The following CDKL1 variants were observed in gnomAD, a reference collection of about 807,000 sequenced individuals.
CDKL1 encodes the protein cyclin dependent kinase like 1, also known as cyclin-dependent kinase-like 1.
Under a neutral mutation model 42.0 loss-of-function variants are expected in CDKL1, and 41 were observed. The ratio of observed to expected loss-of-function variants is 0.98; its 90% confidence interval spans 0.76 to 1.27. The LOEUF (loss-of-function observed/expected upper bound fraction) is 1.27, where lower values mean the gene tolerates loss of function less well. Among genes scored for constraint, CDKL1 ranks in the 50% most tolerant of loss-of-function variants. CDKL1 has a pLI of 0.00. For missense variants in CDKL1, 394 were observed against 428.4 expected (o/e 0.92, Z 0.71); for synonymous variants, 153 against 158.6 (o/e 0.96, Z 0.26).
chr14:50,355,701 A>C (rs2034034505), intron 3 of CDKL1, among the ~76,000 whole-genome samples: 1 of 152,246 alleles, frequency 6.6e-6, no homozygotes, highest in African/African-American at 2.4e-5. Context: ...ATATGTAAAT[A>C]AACAATCCCA....
At chr14:50,359,797 T>TGAAAA (rs368034175) in intron 2 of CDKL1, among the ~76,000 whole-genome samples, 2 of 120,894 alleles carry the variant, frequency 1.7e-5, no homozygotes, top group African/African-American at 6.3e-5. Context: ...GTGTCTAGAT[T>TGAAAA]AAAAAAAAAA....
intron 2 of CDKL1, chr14:50,390,129 C>G (rs2035211789): frequency 7.3e-7 from 1 of 1,364,288 alleles, no homozygotes; most frequent in African/African-American, 1.5e-5. Flanking sequence ...TTGCCCCTAC[C>G]TGCCACATAG....
Position 50,329,062 on chromosome 14 carries a change from T to TATATAC in CDKL1, c.*1011_*1012insGTATAT, listed in dbSNP as rs1392069305. On this transcript the variant is annotated 3_prime_UTR_variant, in exon 10 of 10. Transcript: ENST00000395834. Reference sequence around the variant, plus strand: ...ATATATATATATATATATATATATATACATACACATACATACACATACAAA... The same window carrying TATATAC: ...ATATATATATATATATATATATATATATATACACATACACATACATACACATACAAA... 1.4e-5 allele frequency: 2 copies of TATATAC among 143,980 alleles called. No individual in the cohort carries two copies. Among genetic ancestry groups the TATATAC allele is most frequent in the African/African-American group, 5.2e-5 (2 of 38,112 alleles). 8.9% of individuals were successfully genotyped at this position (143,980 alleles called of 1,614,324 possible).
chr14:50,363,127 A>T (rs1443707849), intron 2 of CDKL1: 1 of 255,916 alleles, frequency 3.9e-6, no homozygotes, highest in Non-Finnish European at 8.7e-6. Flanking sequence ...AGCCAGGGAG[A>T]CCACAAACCC....
chr14:50,383,072 C>T (rs528861321), intron 2 of CDKL1, among the ~76,000 whole-genome samples: 2 of 152,132 alleles, frequency 1.3e-5, no homozygotes, highest in Admixed American at 6.5e-5. Context: ...GGACTACAGG[C>T]GTGTGCCACC....
At chr14:50,392,788 T>C (rs939769660) in intron 2 of CDKL1, among the ~76,000 whole-genome samples, 1 of 152,150 alleles carries the variant, frequency 6.6e-6, no homozygotes, top group African/African-American at 2.4e-5. Flanking sequence ...ACTTAACCTG[T>C]CCAAAACAGA....
rs139490581 is a variant in CDKL1, at chr14:50,368,376, C to T, written c.169-9227G>A. Reference sequence around the variant, plus strand: ...GCTCAAGTGATCCTCTTCCCTCAGCCTCCTCAGTAGCTGGGACTACAGGTG... The same window carrying T: ...GCTCAAGTGATCCTCTTCCCTCAGCTTCCTCAGTAGCTGGGACTACAGGTG... On this transcript the variant is annotated intron_variant, in intron 2 of 9. Transcript: ENST00000395834. 1.1e-4 allele frequency among the ~76,000 whole-genome samples: 17 copies of T among 152,266 alleles called. No individual in the cohort carries two copies. The East Asian group carries it at 2.9e-3, about 26-fold the overall frequency.
intron 2 of CDKL1, chr14:50,362,439 A>C (rs1472817846): frequency 4.5e-6 from 1 of 222,102 alleles, no homozygotes; most frequent in Non-Finnish European, 9.2e-6. Context: ...TATCTTGTTC[A>C]AGGTTTGTAA....
intron 2 of CDKL1, among the ~76,000 whole-genome samples, chr14:50,385,070 CAAAAAAAAAAA>C (rs55719234): frequency 5.3e-5 from 5 of 93,566 alleles, no homozygotes; most frequent in African/African-American, 1.3e-4. Context: ...GACTCTGTCT[CAAAAAAAAAAA>C]AAAAAAAAAA....
intron 2 of CDKL1, chr14:50,379,960 G>A: frequency 2.7e-6 from 1 of 375,254 alleles, no homozygotes; most frequent in Non-Finnish European, 5.4e-6. Context: ...TGATATGTGG[G>A]GACCCCAAAT....
At position 50,396,210 on chromosome 14, in the gene CDKL1, A is replaced by AAAAAAAAAAAAAAAAAAAAAG. The variant is rs1566617659; in HGVS notation, c.-343_-342insCTTTTTTTTTTTTTTTTTTTT. ...CAAAAAAAAAAAAAAAAAAAAAAAA[A>AAAAAAAAAAAAAAAAAAAAAG]AAAGAAAGAAAGAAAAGAAAAGAAA... On this transcript the variant is annotated 5_prime_UTR_variant, in exon 2 of 10. Coordinates refer to ENST00000395834, the MANE Select transcript of CDKL1 (RefSeq NM_004196.7). 1.0e-6 allele frequency: 1 copy of AAAAAAAAAAAAAAAAAAAAAG among 998,162 alleles called. No homozygotes were observed. Among genetic ancestry groups the AAAAAAAAAAAAAAAAAAAAAG allele is most frequent in the Non-Finnish European group, 1.2e-6 (1 of 840,546 alleles). The allele number at this position is 998,162 out of a possible 1,614,324, so 61.8% of individuals were successfully genotyped here.
intron 3 of CDKL1, chr14:50,358,117 T>G (rs751328331): frequency 7.4e-7 from 1 of 1,359,224 alleles, no homozygotes; most frequent in South Asian, 1.2e-5. Context: ...CAAGTCTTCT[T>G]CCAGTGCACA....
intron 2 of CDKL1, chr14:50,380,037 G>C: frequency 1.1e-5 from 5 of 465,862 alleles, no homozygotes; most frequent in South Asian, 6.3e-5. Flanking sequence ...ATCCATTCTT[G>C]AGATAACTTC....
At chr14:50,386,491 A>G (rs2035085679) in intron 2 of CDKL1, among the ~76,000 whole-genome samples, 1 of 152,196 alleles carries the variant, frequency 6.6e-6, no homozygotes, top group Non-Finnish European at 1.5e-5. Context: ...CAGTTGATGA[A>G]CTAATCTAGC....
At chr14:50,349,601 C>G (rs1328885418) in intron 3 of CDKL1, among the ~76,000 whole-genome samples, 1 of 152,168 alleles carries the variant, frequency 6.6e-6, no homozygotes, top group East Asian at 1.9e-4. Context: ...GTATCATCGC[C>G]ATGCCCTCTG....
intron 2 of CDKL1, among the ~76,000 whole-genome samples, chr14:50,384,948 G>A (rs2035029097): frequency 6.6e-6 from 1 of 151,710 alleles, no homozygotes; most frequent in Non-Finnish European, 1.5e-5. Context: ...GCAGGCACCT[G>A]TGATTCCAGC....
chr14:50,388,837 T>C (rs2139541709), intron 2 of CDKL1, among the ~76,000 whole-genome samples: 1 of 152,054 alleles, frequency 6.6e-6, no homozygotes, highest in South Asian at 2.1e-4. Flanking sequence ...TGGTGGCTCA[T>C]GCCTGTAATC....
intron 2 of CDKL1, among the ~76,000 whole-genome samples, chr14:50,366,158 T>G (rs951018819): frequency 6.6e-6 from 1 of 152,190 alleles, no homozygotes; most frequent in African/African-American, 2.4e-5. Flanking sequence ...GCACCTACTC[T>G]GCATCAGGTA....
intron 7 of CDKL1, among the ~76,000 whole-genome samples, chr14:50,338,242 A>G (rs987450139): frequency 2.6e-5 from 4 of 152,094 alleles, no homozygotes; most frequent in African/African-American, 7.2e-5. Context: ...TATTTTGGAA[A>G]GAGTCTTGCT....
Sources: gnomAD v4.1 joint callset for allele counts (sites outside exome capture counted in the v4.1 genomes callset) on GRCh38, gnomAD v4.1.1 for gene constraint, MANE v1.5 for transcripts, NCBI Gene and HGNC (gene_info 2026-07-23, HGNC 2026-07-21) for gene names.